GNB1: variants seen among roughly 807,000 people sequenced by gnomAD.
The protein encoded by GNB1 is G protein subunit beta 1.
In GNB1, 2 loss-of-function variants were observed where a neutral mutation model predicts 42.9. That is an observed-to-expected ratio of 0.05 (90% CI 0.02 to 0.15). GNB1 has a LOEUF of 0.15. GNB1 is among the 10% of genes least tolerant of loss of function. The pLI is 1.00. For missense variants in GNB1, 193 were observed against 462.2 expected, an observed-to-expected ratio of 0.42 and a Z score of 5.34; for synonymous variants, 183 against 174.7, an observed-to-expected ratio of 1.05 and a Z score of -0.38.
At chr1:1,880,907 C>T (rs1383601223) in intron 1 of GNB1, among the ~76,000 whole-genome samples, 2 of 108,890 alleles carry the variant, frequency 1.8e-5, no homozygotes, top group Non-Finnish European at 4.2e-5. Flanking sequence ...GTGGGAAGAG[C>T]ATTATCAGGC....
chr1:1,868,769 G>C (rs1344480021), intron 1 of GNB1, among the ~76,000 whole-genome samples: 1 of 151,780 alleles, frequency 6.6e-6, no homozygotes, highest in Non-Finnish European at 1.5e-5. Flanking sequence ...GACAGAGTGA[G>C]ACTCCATCTC....
chr1:1,812,240 C>T (rs1395191812), intron 5 of GNB1, among the ~76,000 whole-genome samples: 1 of 151,796 alleles, frequency 6.6e-6, no homozygotes, highest in African/African-American at 2.4e-5. Context: ...GGAGAAATAC[C>T]TATGTAAATG....
intron 1 of GNB1, among the ~76,000 whole-genome samples, chr1:1,856,531 G>C (rs1490674818): frequency 6.6e-6 from 1 of 152,116 alleles, no homozygotes; most frequent in African/African-American, 2.4e-5. Context: ...GGGTTCAGGT[G>C]ATTCTCCTGC....
chr1:1,858,587 C>A (rs1648432221), intron 1 of GNB1, among the ~76,000 whole-genome samples: 1 of 152,178 alleles, frequency 6.6e-6, no homozygotes, highest in African/African-American at 2.4e-5. Context: ...AACATACTAC[C>A]CCCACTCACC....
chr1:1,821,318 G>A (rs994051194), intron 3 of GNB1, among the ~76,000 whole-genome samples: 1 of 152,150 alleles, frequency 6.6e-6, no homozygotes, highest in African/African-American at 2.4e-5. Context: ...CAGCTACTCT[G>A]TGTATTTTAA....
chr1:1,809,006 G>T (rs1431344405), intron 5 of GNB1, among the ~76,000 whole-genome samples: 1 of 152,098 alleles, frequency 6.6e-6, no homozygotes, highest in East Asian at 1.9e-4. Flanking sequence ...CCTAAAGCTG[G>T]AGTAACGCTC....
chr1:1,889,881 C>T (rs1295039137), intron 1 of GNB1, among the ~76,000 whole-genome samples: 1 of 152,154 alleles, frequency 6.6e-6, no homozygotes, highest in African/African-American at 2.4e-5. Context: ...ACTCCCCACC[C>T]CCACCCCGCT....
intron 1 of GNB1, among the ~76,000 whole-genome samples, chr1:1,857,783 T>G (rs907121781): frequency 6.6e-6 from 1 of 152,196 alleles, no homozygotes; most frequent in Non-Finnish European, 1.5e-5. Flanking sequence ...TATGCTGTAT[T>G]TTTTCCTATA....
intron 7 of GNB1, among the ~76,000 whole-genome samples, chr1:1,794,586 A>T (rs972277263): frequency 6.6e-6 from 1 of 152,212 alleles, no homozygotes; most frequent in South Asian, 2.1e-4. Context: ...CACTGCGTGA[A>T]TCAGCAAACA....
chr1:1,840,487 C>T (rs371029728), intron 1 of GNB1, among the ~76,000 whole-genome samples: 30 of 152,342 alleles, frequency 2.0e-4, no homozygotes, highest in African/African-American at 7.0e-4. Context: ...GAGATCGTGC[C>T]GCTGCACTCC....
In GNB1 at chr1:1,815,609, G is replaced by A. The variant is rs1279997827; in HGVS notation, c.203+147C>T. Reference sequence around the variant, plus strand: ...GGACAGGGAATATGCACCTGTGAACGCTGCACCTTGCGTGCCCAGAGTTCT... The same window carrying A: ...GGACAGGGAATATGCACCTGTGAACACTGCACCTTGCGTGCCCAGAGTTCT... On this transcript the variant is annotated intron_variant, in intron 5 of 11. Transcript: ENST00000378609. 16 of 604,438 alleles carry A rather than the reference G, an allele frequency of 2.6e-5. No individual in the cohort carries two copies. In the South Asian group the frequency reaches 2.8e-4, roughly 11 times the overall value. 37.4% of individuals were successfully genotyped at this position (604,438 alleles called of 1,614,324 possible).
chr1:1,859,268 C>T (rs893877848), intron 1 of GNB1, among the ~76,000 whole-genome samples: 6 of 152,116 alleles, frequency 3.9e-5, no homozygotes, highest in Admixed American at 2.6e-4. Flanking sequence ...GTGATCCACC[C>T]GCCTGAGCCT....
chr1:1,861,481 A>AAT (rs1648625065), intron 1 of GNB1, among the ~76,000 whole-genome samples: 1 of 151,788 alleles, frequency 6.6e-6, no homozygotes, highest in South Asian at 2.1e-4. Flanking sequence ...ATAATAATAA[A>AAT]AACCCAGCAG....
At chr1:1,842,279 A>C (rs1013105355) in intron 1 of GNB1, among the ~76,000 whole-genome samples, 1 of 152,108 alleles carries the variant, frequency 6.6e-6, no homozygotes, top group Non-Finnish European at 1.5e-5. Flanking sequence ...AAATACAAAA[A>C]ATTAGCCGGG....
intron 10 of GNB1, chr1:1,788,489 G>A (rs1027382031): frequency 1.3e-5 from 2 of 155,450 alleles, no homozygotes; most frequent in Non-Finnish European, 2.9e-5. Context: ...TTAACCAGGA[G>A]GTGGGAGTGG....
rs1646403024 is a variant in GNB1, at chr1:1,786,120, A to G, written c.*943T>C. On this transcript the variant is annotated 3_prime_UTR_variant, in exon 12 of 12. Transcript: ENST00000378609. ...TTATTTTCAAAACATTGATTTGTAC[A>G]TTGTTTCATACACAAATAATTGACT... The G allele has an allele frequency of 2.5e-6, 1 of 398,518 alleles. No individual in the cohort carries two copies. Among genetic ancestry groups the G allele is most frequent in the Admixed American group, 4.4e-5 (1 of 22,690 alleles). 24.7% of individuals were successfully genotyped at this position (398,518 alleles called of 1,614,324 possible).
chr1:1,812,419 C>CAG (rs1392436394), intron 5 of GNB1, among the ~76,000 whole-genome samples: 1 of 150,662 alleles, frequency 6.6e-6, no homozygotes, highest in Non-Finnish European at 1.5e-5. Context: ...CACACACACA[C>CAG]ACACACACAC....
chr1:1,793,882 C>T (rs1267936928), intron 7 of GNB1: 1 of 153,570 alleles, frequency 6.5e-6, no homozygotes, highest in South Asian at 2.1e-4. Context: ...AACAGAGGGC[C>T]CAGCCAGGGC....
chr1:1,826,163 T>C (rs1284938919), intron 2 of GNB1, among the ~76,000 whole-genome samples: 1 of 152,186 alleles, frequency 6.6e-6, no homozygotes, highest in African/African-American at 2.4e-5. Context: ...ATGCCTGTAA[T>C]CCCAACAATT....
Sources: gnomAD v4.1 joint callset for allele counts (sites outside exome capture counted in the v4.1 genomes callset) on GRCh38, gnomAD v4.1.1 for gene constraint, MANE v1.5 for transcripts, NCBI Gene and HGNC (gene_info 2026-07-23, HGNC 2026-07-21) for gene names.